The following CALCR variants were observed in gnomAD, a reference collection of about 807,000 sequenced individuals.
CALCR encodes calcitonin receptor.
Under a neutral mutation model 59.5 loss-of-function variants are expected in CALCR, and 47 were observed. That is an observed-to-expected ratio of 0.79 (90% confidence interval 0.63 to 1.01). The LOEUF is 1.01. Among genes scored for constraint, CALCR ranks in the 50% least tolerant of loss-of-function variants. CALCR has a pLI of 0.00. For synonymous variants in CALCR, 213 were observed against 211.3 expected, an observed-to-expected ratio of 1.01 and a Z score of -0.07; for missense variants, 566 against 597.1, an observed-to-expected ratio of 0.95 and a Z score of 0.54.
intron 2 of CALCR, among the ~76,000 whole-genome samples, chr7:93,503,178 C>G (rs1801356368): frequency 6.6e-6 from 1 of 152,002 alleles, no homozygotes; most frequent in African/African-American, 2.4e-5. Context: ...TGGATCTGCT[C>G]CACATGATTT....
chr7:93,498,573 T>C (rs1801259186), intron 2 of CALCR, among the ~76,000 whole-genome samples: 1 of 151,642 alleles, frequency 6.6e-6, no homozygotes, highest in African/African-American at 2.4e-5. Context: ...AAATACATCA[T>C]GCATTTATTA....
chr7:93,460,562 A>AT (rs1305307735), intron 8 of CALCR, among the ~76,000 whole-genome samples: 3 of 85,794 alleles, frequency 3.5e-5, no homozygotes, highest in African/African-American at 1.8e-4. Flanking sequence ...TCTAAAAAAA[A>AT]AAAAAAAAAA....
intron 2 of CALCR, among the ~76,000 whole-genome samples, chr7:93,513,380 C>A (rs1801588768): frequency 6.6e-6 from 1 of 152,090 alleles, no homozygotes; most frequent in South Asian, 2.1e-4. Context: ...TACTAGGACA[C>A]CTTATTAAAT....
chr7:93,481,209 T>C (rs1198884183), intron 3 of CALCR, among the ~76,000 whole-genome samples: 1 of 151,994 alleles, frequency 6.6e-6, no homozygotes, highest in Non-Finnish European at 1.5e-5. Flanking sequence ...ACATGGTATA[T>C]AACATAATAT....
Position 93,486,951 on chromosome 7 carries a change from C to G in CALCR, c.31G>C (p.Ala11Pro). ...CTTACATTTAGAAGAAGAAACAGTGCCAAGCACCGGCTTGTAAATGTGAAC... is the reference window on the plus strand; with the variant it reads ...CTTACATTTAGAAGAAGAAACAGTGGCAAGCACCGGCTTGTAAATGTGAAC... MRFTFTSRCLALFLLLNHPTP... is the reference protein window; with the variant it reads MRFTFTSRCLPLFLLLNHPTP... The change falls in exon 3 of 14, where the codon GCA becomes CCA. Residue 11 changes from alanine (A) to proline (P), a missense_variant. Transcript: ENST00000426151. 6.3e-7 allele frequency: 1 copy of G among 1,596,598 alleles called. No individual in the cohort carries two copies. The highest frequency in any genetic ancestry group is 8.6e-7 in the Non-Finnish European group (1 of 1,167,350).
chr7:93,531,105 A>T (rs993408814), intron 2 of CALCR, among the ~76,000 whole-genome samples: 6 of 152,090 alleles, frequency 3.9e-5, no homozygotes, highest in African/African-American at 1.4e-4. Flanking sequence ...AAGTTAAATT[A>T]TTATTATAGT....
Position 93,443,733 on chromosome 7 carries a change from A to G in CALCR, c.673T>C (p.Phe225Leu), listed in dbSNP as rs1390456723. ...DPVSCKILHF[F>L]HQYMMACNYF... ...TTGCAGGCCATCATGTACTGGTGGAAAAAATGCAAAATCTTGCAGCTCACC... is the reference window on the plus strand; with the variant it reads ...TTGCAGGCCATCATGTACTGGTGGAGAAAATGCAAAATCTTGCAGCTCACC... Residue 225 changes from phenylalanine to leucine, a missense_variant, in exon 9 of 14, where the codon TTC (phenylalanine) becomes CTC (leucine). Phe to Leu is a conservative substitution (Grantham distance 22). Coordinates refer to ENST00000426151, the MANE Select transcript of CALCR (RefSeq NM_001742.4). 6 of 1,613,150 alleles carry G rather than the reference A, an allele frequency of 3.7e-6. No individual in the cohort carries two copies. The highest frequency in any genetic ancestry group is 1.3e-5 in the African/African-American group (1 of 74,864).
At position 93,495,910 on chromosome 7, in the gene CALCR, T is replaced by A. The variant is rs992792541; in HGVS notation, c.-26-8903A>T. ...TCCACAAATGGGCACTTGCCACTAATCTTCTCTCCAGAAAATTGCATCCTG... is the reference window on the plus strand; with the variant it reads ...TCCACAAATGGGCACTTGCCACTAAACTTCTCTCCAGAAAATTGCATCCTG... On this transcript the variant is annotated intron_variant, in intron 2 of 13. Coordinates refer to ENST00000426151, the MANE Select transcript of CALCR (RefSeq NM_001742.4). 3 of 1,530,594 alleles carry A rather than the reference T, an allele frequency of 2.0e-6. No individual in the cohort carries two copies. In the African/African-American group the frequency reaches 4.1e-5, roughly 21 times the overall value. The allele number at this position is 1,530,594 out of a possible 1,614,324, so 94.8% of individuals were successfully genotyped here.
At chr7:93,516,530 G>A (rs1414752373) in intron 2 of CALCR, among the ~76,000 whole-genome samples, 5 of 151,702 alleles carry the variant, frequency 3.3e-5, no homozygotes, top group Non-Finnish European at 5.9e-5. Context: ...AAATTATGTT[G>A]GAAGAGAATT....
chr7:93,532,838 CAAAA>C (rs57128008), intron 2 of CALCR, among the ~76,000 whole-genome samples: 16,105 of 95,026 alleles, frequency 0.17, 594 homozygotes, highest in East Asian at 0.31. Flanking sequence ...ATGTCCAAAG[CAAAA>C]AAAAAAAAAA....
chr7:93,472,605 T>C (rs1800577813), intron 5 of CALCR, 118 bp from the exon 6 acceptor site: 1 of 645,696 alleles, frequency 1.5e-6, no homozygotes, highest in Non-Finnish European at 2.8e-6. Flanking sequence ...AACTTGAATG[T>C]GAGTATGTCA....
At chr7:93,503,486 T>C (rs1373123911) in intron 2 of CALCR, among the ~76,000 whole-genome samples, 2 of 152,002 alleles carry the variant, frequency 1.3e-5, no homozygotes, top group African/African-American at 4.8e-5. Flanking sequence ...GTGACAAAGA[T>C]GGTACTAGAA....
At chr7:93,563,457 AC>A (rs991974104) in intron 2 of CALCR, among the ~76,000 whole-genome samples, 3 of 152,148 alleles carry the variant, frequency 2.0e-5, no homozygotes, top group African/African-American at 7.2e-5. Context: ...TAGAAATCAC[AC>A]CTTTAAAAGA....
chr7:93,503,927 C>A (rs1292374582), intron 2 of CALCR, among the ~76,000 whole-genome samples: 1 of 152,108 alleles, frequency 6.6e-6, no homozygotes, highest in Non-Finnish European at 1.5e-5. Context: ...ATATCAACAG[C>A]AAGTTGCAAT....
intron 8 of CALCR, among the ~76,000 whole-genome samples, chr7:93,450,581 T>G (rs1800088660): frequency 6.6e-6 from 1 of 151,710 alleles, no homozygotes; most frequent in African/African-American, 2.4e-5. Context: ...AAATTGAGAG[T>G]TTTCTATCAG....
intron 13 of CALCR, among the ~76,000 whole-genome samples, chr7:93,428,015 T>C (rs1799567145): frequency 6.6e-6 from 1 of 152,194 alleles, no homozygotes; most frequent in African/African-American, 2.4e-5. Flanking sequence ...TTGTTTTATT[T>C]TGTTTTGGGG....
chr7:93,448,076 G>A (rs1308197317), intron 8 of CALCR, among the ~76,000 whole-genome samples: 1 of 151,970 alleles, frequency 6.6e-6, no homozygotes, highest in Non-Finnish European at 1.5e-5. Context: ...GGGAAGTGTT[G>A]CCAAAAGTAA....
At chr7:93,549,711 G>A (rs1174615502) in intron 2 of CALCR, among the ~76,000 whole-genome samples, 11 of 152,156 alleles carry the variant, frequency 7.2e-5, no homozygotes, top group African/African-American at 2.7e-4. Flanking sequence ...GCTTGACGAA[G>A]ACCTTATTAA....
chr7:93,456,733 T>G (rs1351555560), intron 8 of CALCR, among the ~76,000 whole-genome samples: 1 of 152,152 alleles, frequency 6.6e-6, no homozygotes, highest in Non-Finnish European at 1.5e-5. Context: ...TCTGTTAGGT[T>G]AAAAATACAT....
Sources: gnomAD v4.1 joint callset for allele counts (sites outside exome capture counted in the v4.1 genomes callset) on GRCh38, gnomAD v4.1.1 for gene constraint, MANE v1.5 for transcripts, NCBI Gene and HGNC (gene_info 2026-07-23, HGNC 2026-07-21) for gene names.